TMEM272: variants seen among roughly 807,000 people sequenced by gnomAD.
TMEM272 encodes long intergenic non-protein coding RNA 282.
Under a neutral mutation model 3.7 loss-of-function variants are expected in TMEM272, and 8 were observed. The ratio of observed to expected loss-of-function variants is 2.17; its 90% confidence interval spans 1.27 to 3.91. The LOEUF (loss-of-function observed/expected upper bound fraction) is 3.91, where lower values mean the gene tolerates loss of function less well. Ranked by LOEUF, TMEM272 falls within the 30% of genes most tolerant of loss-of-function variation. TMEM272 has a pLI of 0.00. For synonymous variants in TMEM272, 63 were observed against 39.8 expected (o/e 1.58, Z -2.20); for missense variants, 166 against 91.5 (o/e 1.81, Z -3.32).
chr13:51,823,961 G>A (rs1387632641), intron 3 of TMEM272, among the ~76,000 whole-genome samples: 1 of 152,180 alleles, frequency 6.6e-6, no homozygotes, highest in Non-Finnish European at 1.5e-5. Context: ...GTTATTAAAT[G>A]GAAATACTTT....
chr13:51,909,246 T>A, the TMEM272 span: 243 of 1,162,840 alleles, frequency 2.1e-4, no homozygotes, highest in African/African-American at 3.1e-3. Context: ...CAAACAATTA[T>A]CATGTGCTTT....
the TMEM272 span, among the ~76,000 whole-genome samples, chr13:51,859,162 C>A: frequency 6.7e-6 from 1 of 148,742 alleles, no homozygotes. Flanking sequence ...ATAACCCTAT[C>A]CTCAGGGCAT....
the TMEM272 span, among the ~76,000 whole-genome samples, chr13:51,880,618 AT>A: frequency 5.9e-5 from 9 of 151,284 alleles, no homozygotes; most frequent in African/African-American, 2.2e-4. Context: ...GTAAAATAAA[AT>A]AAAAAAATTG....
the TMEM272 span, among the ~76,000 whole-genome samples, chr13:51,869,927 T>C: frequency 2.0e-5 from 3 of 152,218 alleles, no homozygotes; most frequent in Non-Finnish European, 4.4e-5. Flanking sequence ...CTCATGTAGG[T>C]TCGGATCCTT....
At chr13:51,878,195 C>T in the TMEM272 span, among the ~76,000 whole-genome samples, 2 of 152,040 alleles carry the variant, frequency 1.3e-5, no homozygotes, top group Non-Finnish European at 2.9e-5. Context: ...CTTTGGGAGG[C>T]CGAGGCGGGA....
At chr13:51,847,647 CTGAG>C (rs1453920446), upstream of TMEM272, among the ~76,000 whole-genome samples, 3 of 152,176 alleles carry the variant, frequency 2.0e-5, no homozygotes, top group African/African-American at 7.2e-5. Context: ...TTATCTCACA[CTGAG>C]TGAGTGGAAG....
the TMEM272 span, among the ~76,000 whole-genome samples, chr13:51,925,604 G>C: frequency 6.6e-6 from 1 of 152,058 alleles, no homozygotes; most frequent in Admixed American, 6.5e-5. Flanking sequence ...TAGTTACAGA[G>C]ATGCATAGAG....
the TMEM272 span, chr13:51,910,552 C>A: frequency 1.4e-6 from 1 of 697,698 alleles, no homozygotes; most frequent in Non-Finnish European, 2.7e-6. Flanking sequence ...GGCAGTGCTG[C>A]CATAACCCTG....
intron 2 of TMEM272, among the ~76,000 whole-genome samples, chr13:51,828,950 G>T (rs750085582): frequency 6.6e-6 from 1 of 152,150 alleles, no homozygotes; most frequent in Non-Finnish European, 1.5e-5. Context: ...CAGGAACAAC[G>T]AAGGAACTCC....
chr13:51,826,323 T>G (rs943783436), intron 3 of TMEM272, among the ~76,000 whole-genome samples: 1 of 152,124 alleles, frequency 6.6e-6, no homozygotes, highest in Admixed American at 6.5e-5. Flanking sequence ...GGGACAGATT[T>G]CTAAAAGAGA....
intron 2 of TMEM272, 143 bp downstream of exon 2, chr13:51,838,330 T>C (rs1307383859): frequency 1.5e-6 from 1 of 663,706 alleles, no homozygotes. Flanking sequence ...GGCCGGACAC[T>C]GTCTTCCCCA....
chr13:51,855,326 C>T, the TMEM272 span, among the ~76,000 whole-genome samples: 6 of 152,174 alleles, frequency 3.9e-5, no homozygotes, highest in Admixed American at 1.3e-4. Flanking sequence ...GACTTCTAGC[C>T]TCTCTGCCTA....
the TMEM272 span, among the ~76,000 whole-genome samples, chr13:51,925,779 C>T: frequency 2.0e-5 from 3 of 152,216 alleles, no homozygotes; most frequent in Non-Finnish European, 4.4e-5. Flanking sequence ...TGAAATCACA[C>T]TTCAGTGCCA....
chr13:51,894,373 T>A, the TMEM272 span, among the ~76,000 whole-genome samples: 1 of 152,194 alleles, frequency 6.6e-6, no homozygotes, highest in Non-Finnish European at 1.5e-5. Context: ...AAATACCAGC[T>A]TTATGCCCTC....
chr13:51,930,558 A>C, the TMEM272 span: 1 of 152,200 alleles, frequency 6.6e-6, no homozygotes, highest in Non-Finnish European at 1.5e-5. Flanking sequence ...TCACACATCA[A>C]GGTAATCTGC....
At chr13:51,847,793 C>T (rs1956313846), upstream of TMEM272, among the ~76,000 whole-genome samples, 1 of 152,128 alleles carries the variant, frequency 6.6e-6, no homozygotes, top group Non-Finnish European at 1.5e-5. Context: ...TTTTTGAGCA[C>T]ATTTTAGCCC....
the TMEM272 span, among the ~76,000 whole-genome samples, chr13:51,878,521 C>G: frequency 1.8e-4 from 28 of 152,188 alleles, no homozygotes; most frequent in Admixed American, 1.8e-3. Flanking sequence ...CCCCCATGAT[C>G]TAATTACCTC....
the TMEM272 span, chr13:51,908,122 G>A: frequency 6.1e-6 from 3 of 492,506 alleles, no homozygotes; most frequent in Middle Eastern, 5.4e-4. Flanking sequence ...GTTTCAATTT[G>A]AGCAAAAGTG....
At chr13:51,890,349 TG>T in the TMEM272 span, among the ~76,000 whole-genome samples, 7 of 152,254 alleles carry the variant, frequency 4.6e-5, no homozygotes, top group South Asian at 2.1e-4. Flanking sequence ...GTACTTGCTC[TG>T]TTAGTTTCCA....
Sources: gnomAD v4.1 joint callset for allele counts (sites outside exome capture counted in the v4.1 genomes callset) on GRCh38, gnomAD v4.1.1 for gene constraint, MANE v1.5 for transcripts, NCBI Gene and HGNC (gene_info 2026-07-23, HGNC 2026-07-21) for gene names.